P4HTM: variants seen among roughly 807,000 people sequenced by gnomAD.
P4HTM encodes transmembrane prolyl 4-hydroxylase.
Under a neutral mutation model 55.3 loss-of-function variants are expected in P4HTM, and 33 were observed. That is an observed-to-expected ratio of 0.60 (90% confidence interval 0.45 to 0.80). The LOEUF is 0.80. Ranked by LOEUF, P4HTM falls within the 30% of genes least tolerant of loss-of-function variation. The pLI is 0.00. For missense variants in P4HTM, 542 were observed against 696.5 expected (o/e 0.78, Z 2.50); for synonymous variants, 272 against 286.4 (o/e 0.95, Z 0.51).
Position 49,004,475 on chromosome 3 carries a change from G to T in P4HTM, c.887+215G>T, listed in dbSNP as rs2106667930. ...GGCACACAATGGGCAACTGGGGTTA[G>T]ATAGAGATTGAGCACTTCTTTCTGA... On this transcript the variant is annotated intron_variant, in intron 5 of 8. Transcript: ENST00000383729. The T allele has an allele frequency of 5.2e-6, 3 of 579,058 alleles. No homozygotes were observed. The Middle Eastern group carries it at 1.4e-3, about 263-fold the overall frequency. 35.9% of individuals were successfully genotyped at this position (579,058 alleles called of 1,614,324 possible).
chr3:49,004,266 C>T lies in P4HTM; in HGVS notation c.887+6C>T. 6 of 1,544,086 alleles carry T rather than the reference C, an allele frequency of 3.9e-6. No homozygotes were observed. Among genetic ancestry groups the T allele is most frequent in the Non-Finnish European group, 5.2e-6 (6 of 1,144,102 alleles). ...ATGCGTGCCATCCGCCAGAGGTGAGCACCTGAAGCTGTTCTCACTGGAGCA... is the reference window on the plus strand; with the variant it reads ...ATGCGTGCCATCCGCCAGAGGTGAGTACCTGAAGCTGTTCTCACTGGAGCA... On this transcript the variant is annotated splice_donor_region_variant and intron_variant, in intron 5 of 8. Coordinates refer to ENST00000383729, the MANE Select transcript of P4HTM (RefSeq NM_177939.3).
chr3:48,992,615 A>C (rs2092933940), intron 2 of P4HTM, among the ~76,000 whole-genome samples: 1 of 151,654 alleles, frequency 6.6e-6, no homozygotes, highest in African/African-American at 2.4e-5. Flanking sequence ...TCAAAGAAAA[A>C]AAAAAATAGC....
chr3:49,005,097 C>G (rs756596437), intron 6 of P4HTM, 51 bp downstream of exon 6: 2 of 1,613,632 alleles, frequency 1.2e-6, no homozygotes, highest in African/African-American at 2.7e-5. Flanking sequence ...CCAGGAACAC[C>G]CATGACACAG....
chr3:49,002,136 C>T lies in P4HTM; in HGVS notation c.628-364C>T, dbSNP rs1327709139. On this transcript the variant is annotated intron_variant, in intron 3 of 8. Coordinates refer to ENST00000383729, the MANE Select transcript of P4HTM (RefSeq NM_177939.3). The surrounding 1 kb of genome is among the most constrained non-coding windows in gnomAD (Gnocchi z 4.4). The stretch of plus-strand genomic sequence containing the variant: ...GGTGGTCATGCCCTAACCAGGTCTC[C>T]CCCTGGTGCCTGTTCTCCCTTAACA... 6.6e-6 allele frequency among the ~76,000 whole-genome samples: 1 copy of T among 152,242 alleles called. No individual in the cohort carries two copies. The highest frequency in any genetic ancestry group is 2.4e-5 in the African/African-American group (1 of 41,470).
intron 6 of P4HTM, 83 bp downstream of exon 6, chr3:49,005,129 G>C (rs199566450): frequency 1.2e-6 from 2 of 1,612,274 alleles, no homozygotes; most frequent in African/African-American, 1.3e-5. Context: ...CACTGTGGGC[G>C]TGCCCCTTGG....
chr3:48,997,003 C>G (rs1267767854), intron 2 of P4HTM, among the ~76,000 whole-genome samples: 2 of 152,206 alleles, frequency 1.3e-5, no homozygotes, highest in African/African-American at 2.4e-5. Flanking sequence ...AGACAGAGGA[C>G]TACCTGCTCA....
intron 2 of P4HTM, among the ~76,000 whole-genome samples, chr3:48,993,301 C>CAAA (rs11312212): frequency 8.1e-6 from 1 of 122,850 alleles, no homozygotes; most frequent in Non-Finnish European, 1.7e-5. Context: ...AACTCCATCT[C>CAAA]AAAAAAAAAA....
chr3:49,007,030 C>T lies in P4HTM; in HGVS notation c.*123C>T. 1 of 776,798 alleles carries T rather than the reference C, an allele frequency of 1.3e-6. No individual in the cohort carries two copies. Among genetic ancestry groups the T allele is most frequent in the Non-Finnish European group, 2.1e-6 (1 of 481,718 alleles). The allele number at this position is 776,798 out of a possible 1,614,324, so 48.1% of individuals were successfully genotyped here. A position where few individuals can be genotyped will look rare whatever the true frequency, so the allele number is the denominator to read the frequency against. On this transcript the variant is annotated 3_prime_UTR_variant, in exon 9 of 9. Transcript: ENST00000383729. The surrounding 1 kb of genome is among the most constrained non-coding windows in gnomAD (Gnocchi z 5.1). ...CAATGTCTTGCCCCACCCCGCCAGC[C>T]GCGATACGGCGCAGTTCCTATATTC... is the stretch of plus-strand genomic sequence containing the variant.
Position 49,001,510 on chromosome 3 carries a change from G to C in P4HTM, c.509G>C (p.Arg170Pro). 6.2e-7 allele frequency: 1 copy of C among 1,613,874 alleles called. No individual in the cohort carries two copies. The change falls in exon 3 of 9, where the codon CGC (arginine) becomes CCC (proline). Residue 170 changes from arginine (R) to proline (P), a missense_variant. Around this residue, in one of 2 missense-constraint regions of P4HTM, gnomAD observed 536 missense variants for 672.1 expected, o/e 0.80. Coordinates refer to ENST00000383729, the MANE Select transcript of P4HTM (RefSeq NM_177939.3). ...IHLAQMKGLQ[R>P]SQILPTEEYE... ...CTGGCGCAGATGAAGGGGTTACAGC[G>C]CAGCCAGATCCTGCCTACTGAAGAG...
chr3:49,001,383 G>A (rs1272049424), intron 2 of P4HTM, 55 bp from the exon 3 acceptor site: 4 of 1,553,748 alleles, frequency 2.6e-6, no homozygotes, highest in Middle Eastern at 1.7e-4. Context: ...GAAGGTACTG[G>A]GTGCACCAGC....
Position 49,006,207 on chromosome 3 carries a change from C to A in P4HTM, c.1288+20C>A, listed in dbSNP as rs985469053. ...GGCAAGGTGAGGGCCTATGGCCAGG[C>A]CTGGGGGGGGTGCCCTGAGTACAGC... On this transcript the variant is annotated intron_variant, in intron 8 of 8. Coordinates refer to ENST00000383729, the MANE Select transcript of P4HTM (RefSeq NM_177939.3). 1.2e-6 allele frequency: 2 copies of A among 1,602,576 alleles called. No homozygotes were observed. The highest frequency in any genetic ancestry group is 1.7e-6 in the Non-Finnish European group (2 of 1,172,028).
At position 48,990,979 on chromosome 3, in the gene P4HTM, G is replaced by A. The variant is rs1269394019; in HGVS notation, c.436+65G>A. 4.9e-6 allele frequency: 6 copies of A among 1,234,724 alleles called. No individual in the cohort carries two copies. The highest frequency in any genetic ancestry group is 1.8e-5 in the Admixed American group (1 of 54,206). 76.5% of individuals were successfully genotyped at this position (1,234,724 alleles called of 1,614,324 possible). On this transcript the variant is annotated intron_variant, in intron 2 of 8. Coordinates refer to ENST00000383729, the MANE Select transcript of P4HTM (RefSeq NM_177939.3). This position sits in a 1 kb window ranked among gnomAD's most constrained non-coding sequence, Gnocchi z 7.2. ...CGGTTTGGTGGCCACCTTGAGGCTCGTTGTGACCACGTGACCTCTATTTTG... is the reference window on the plus strand; with the variant it reads ...CGGTTTGGTGGCCACCTTGAGGCTCATTGTGACCACGTGACCTCTATTTTG...
In P4HTM at chr3:48,990,347, C is replaced by A; in HGVS notation, c.91C>A (p.Gln31Lys). 6.5e-7 allele frequency: 1 copy of A among 1,544,680 alleles called. No homozygotes were observed. Among genetic ancestry groups the A allele is most frequent in the Non-Finnish European group, 8.7e-7 (1 of 1,153,344 alleles). Residue 31 changes from glutamine to lysine, a missense_variant, in exon 1 of 9, where the codon CAG (glutamine) becomes AAG (lysine). Physicochemically the swap from Gln to Lys is moderately conservative, Grantham distance 53. This residue lies in a region of P4HTM where 536 missense variants were observed against 672.1 expected (regional missense o/e 0.80). Coordinates refer to ENST00000383729, the MANE Select transcript of P4HTM (RefSeq NM_177939.3). The surrounding 1 kb of genome is among the most constrained non-coding windows in gnomAD (Gnocchi z 7.2). ...RPQWAPPDHC[Q>K]AQAAAGLGDG... ...GCAGTGGGCGCCGCCAGACCACTGC[C>A]AGGCTCAGGCGGCGGCCGGGCTGGG...
At chr3:48,998,359 G>A (rs989336798) in intron 2 of P4HTM, 1 of 152,446 alleles carries the variant, frequency 6.6e-6, no homozygotes, top group South Asian at 2.1e-4. Flanking sequence ...ATGACCCTTT[G>A]GGGGAAAGGG....
chr3:48,994,924 C>T (rs1033061009), intron 2 of P4HTM, among the ~76,000 whole-genome samples: 1 of 152,096 alleles, frequency 6.6e-6, no homozygotes, highest in Non-Finnish European at 1.5e-5. Context: ...CTCAACCTTC[C>T]AAACAGCCGG....
At chr3:49,006,211 G>GA in intron 8 of P4HTM, 24 bp downstream of exon 8, 1 of 1,601,156 alleles carries the variant, frequency 6.2e-7, no homozygotes, top group South Asian at 1.1e-5. Context: ...GCCAGGCCTG[G>GA]GGGGGGTGCC....
At position 49,002,913 on chromosome 3, in the gene P4HTM, G is replaced by A. The variant is rs1445371055; in HGVS notation, c.724+317G>A. ...GTTGGCAGAGAACAGAGTGGGTGGA[G>A]CAGGAGCAAGGCGACAGTGAGGCCA... is the stretch of plus-strand genomic sequence containing the variant. On this transcript the variant is annotated intron_variant, in intron 4 of 8. Transcript: ENST00000383729. This position sits in a 1 kb window ranked among gnomAD's most constrained non-coding sequence, Gnocchi z 4.4. 2.3e-6 allele frequency: 1 copy of A among 426,312 alleles called. No individual in the cohort carries two copies. The highest frequency in any genetic ancestry group is 2.0e-5 in the African/African-American group (1 of 49,316). 26.4% of individuals were successfully genotyped at this position (426,312 alleles called of 1,614,324 possible). A position where few individuals can be genotyped will look rare whatever the true frequency, so the allele number is the denominator to read the frequency against.
In P4HTM at chr3:48,990,416, G is replaced by A. The variant is rs1576601419; in HGVS notation, c.160G>A (p.Gly54Ser). ...GGTGCGTCCGCTGTGCAAGCCCCGCGGCATCTGCTCGCGCGCCTACTTCCT... is the reference window on the plus strand; with the variant it reads ...GGTGCGTCCGCTGTGCAAGCCCCGCAGCATCTGCTCGCGCGCCTACTTCCT... ...APVRPLCKPR[G>S]ICSRAYFLVL... The change falls in exon 1 of 9, where the codon GGC (glycine) becomes AGC (serine). Residue 54 changes from glycine to serine, a missense_variant. By Grantham distance (56) the Gly-to-Ser change is moderately conservative (BLOSUM62 0). This residue lies in a region of P4HTM where 536 missense variants were observed against 672.1 expected (regional missense o/e 0.80). Coordinates refer to ENST00000383729, the MANE Select transcript of P4HTM (RefSeq NM_177939.3). This position sits in a 1 kb window ranked among gnomAD's most constrained non-coding sequence, Gnocchi z 7.2. 2 of 1,603,602 alleles carry A rather than the reference G, an allele frequency of 1.2e-6. No homozygotes were observed. The highest frequency in any genetic ancestry group is 1.7e-6 in the Non-Finnish European group (2 of 1,177,680).
intron 2 of P4HTM, 145 bp downstream of exon 2, chr3:48,991,059 C>T: frequency 1.6e-6 from 1 of 632,256 alleles, no homozygotes; most frequent in Non-Finnish European, 2.8e-6. Flanking sequence ...GAAGGACCTT[C>T]CCCGTCCTCG....
Sources: gnomAD v4.1 joint callset for allele counts (sites outside exome capture counted in the v4.1 genomes callset) on GRCh38, gnomAD v4.1.1 for gene constraint, gnomAD v4.1.1 regional missense constraint, Gnocchi (gnomAD v3.1) non-coding constraint, MANE v1.5 for transcripts, NCBI Gene and HGNC (gene_info 2026-07-23, HGNC 2026-07-21) for gene names.